The following OR10AG1 variants were observed in gnomAD, a reference collection of about 807,000 sequenced individuals.
The protein encoded by OR10AG1 is olfactory receptor 10AG1.
For missense variants in OR10AG1, 433 were observed against 376.5 expected (o/e 1.15, Z -1.24); for synonymous variants, 147 against 128.6 (o/e 1.14, Z -0.97).
chr11:55,968,283 C>T lies in OR10AG1; in HGVS notation c.241G>A (p.Glu81Lys). The T allele has an allele frequency of 6.2e-7, 1 of 1,613,622 alleles. No individual in the cohort carries two copies. Among genetic ancestry groups the T allele is most frequent in the East Asian group, 2.2e-5 (1 of 44,876 alleles). The part of the protein sequence containing the change: ...YFFLSNFSLL[E>K]ICYVTIIIPR... ...ATAATGATTGTTACATAACAGATTT[C>T]CAAAAGGGAAAAATTGCTAAGAAAA... Residue 81 changes from glutamate to lysine, a missense_variant, in exon 2 of 2, where the codon GAA (glutamate) becomes AAA (lysine). Coordinates refer to ENST00000641071, the MANE Select transcript of OR10AG1 (RefSeq NM_001005491.2).
chr11:55,968,143 T>G lies in OR10AG1; in HGVS notation c.381A>C (p.Thr127=). Residue 127 remains threonine, a synonymous_variant, in exon 2 of 2, where the codon ACA becomes ACC. Transcript: ENST00000641071. ...CCACGTAGCGGTCATAGGCCATCAC[T>G]GTCAGAAGGAGACACTCCGTGCCTC... ...MLGGTECLLL[T]VMAYDRYVAI... is the part of the protein sequence containing the mutation. 6.2e-7 allele frequency: 1 copy of G among 1,613,856 alleles called. No individual in the cohort carries two copies. The highest frequency in any genetic ancestry group is 8.5e-7 in the Non-Finnish European group (1 of 1,179,842).
At position 55,968,148 on chromosome 11, in the gene OR10AG1, G is replaced by A. The variant is rs1350788674; in HGVS notation, c.376C>T (p.Leu126=). The A allele has an allele frequency of 6.2e-7, 1 of 1,613,514 alleles. No homozygotes were observed. Among genetic ancestry groups the A allele is most frequent in the East Asian group, 2.2e-5 (1 of 44,888 alleles). The change falls in exon 2 of 2, where the codon CTG becomes TTG. Residue 126 remains leucine (L), a synonymous_variant. Transcript: ENST00000641071. The stretch of plus-strand genomic sequence containing the variant: ...TAGCGGTCATAGGCCATCACTGTCA[G>A]AAGGAGACACTCCGTGCCTCCAAGC... The part of the protein sequence containing the change: ...LMLGGTECLL[L]TVMAYDRYVA...
At position 55,966,124 on chromosome 11, in the gene OR10AG1, C is replaced by T. The variant is rs1852685609; in HGVS notation, c.*1434G>A. ...GTGTCTTCATATACTCTGAGAGTGA[C>T]TTCCCTTTACTCCCAAATTTGTTTT... On this transcript the variant is annotated 3_prime_UTR_variant, in exon 2 of 2. Transcript: ENST00000641071. The T allele has an allele frequency of 6.6e-6, 1 of 151,826 alleles. No homozygotes were observed. The highest frequency in any genetic ancestry group is 2.1e-4 in the South Asian group (1 of 4,824). 9.4% of individuals were successfully genotyped at this position (151,826 alleles called of 1,614,324 possible).
chr11:55,967,772 G>A lies in OR10AG1; in HGVS notation c.752C>T (p.Thr251Ile), dbSNP rs757100326. 10 of 1,613,692 alleles carry A rather than the reference G, an allele frequency of 6.2e-6. No homozygotes were observed. Among genetic ancestry groups the A allele is most frequent in the Non-Finnish European group, 8.5e-6 (10 of 1,179,778 alleles). ...TACAACTATTAGGTGAGATGAGCAGGTGGAGAAGGCTTTAGCCTTTCCTCT... is the reference window on the plus strand; with the variant it reads ...TACAACTATTAGGTGAGATGAGCAGATGGAGAAGGCTTTAGCCTTTCCTCT... The part of the protein sequence containing the change: ...SARGKAKAFS[T>I]CSSHLIVVIL... Residue 251 changes from threonine (T) to isoleucine (I), a missense_variant, in exon 2 of 2, where the codon ACC (threonine) becomes ATC (isoleucine). By Grantham distance (89) the Thr-to-Ile change is moderately conservative. Coordinates refer to ENST00000641071, the MANE Select transcript of OR10AG1 (RefSeq NM_001005491.2).
chr11:55,967,310 T>C lies in OR10AG1; in HGVS notation c.*248A>G. 1 of 352,390 alleles carries C rather than the reference T, an allele frequency of 2.8e-6. No homozygotes were observed. The highest frequency in any genetic ancestry group is 5.1e-5 in the East Asian group (1 of 19,678). 21.8% of individuals were successfully genotyped at this position (352,390 alleles called of 1,614,324 possible). A position where few individuals can be genotyped will look rare whatever the true frequency, so the allele number is the denominator to read the frequency against. On this transcript the variant is annotated 3_prime_UTR_variant, in exon 2 of 2. Transcript: ENST00000641071. ...ATTTTTCATTTTATTGCTCAGGTGG[T>C]CTCTTAATCAACAGTTAACCATTGA... is the stretch of plus-strand genomic sequence containing the variant.
chr11:55,967,674 G>T lies in OR10AG1; in HGVS notation c.850C>A (p.Leu284Met), dbSNP rs755037759. 2.3e-5 allele frequency: 37 copies of T among 1,613,560 alleles called. No homozygotes were observed. Among genetic ancestry groups the T allele is most frequent in the Admixed American group, 3.3e-5 (2 of 59,990 alleles). ...KPHQFQRMGK[L>M]ISLFYTILIP... is the part of the protein sequence containing the mutation. Reference sequence around the variant, plus strand: ...AGAATGGTGTAGAAAAGAGAAATCAGTTTCCCCATCCTTTGAAACTGATGT... The same window carrying T: ...AGAATGGTGTAGAAAAGAGAAATCATTTTCCCCATCCTTTGAAACTGATGT... The change falls in exon 2 of 2, where the codon CTG (leucine) becomes ATG (methionine). Residue 284 changes from leucine (L) to methionine (M), a missense_variant. Leu to Met is a conservative substitution (Grantham distance 15). Transcript: ENST00000641071.
Position 55,967,841 on chromosome 11 carries a change from G to A in OR10AG1, c.683C>T (p.Ser228Phe), listed in dbSNP as rs370375009. ...ITVPFLLIVV[S>F]YGKIISNILK... Reference sequence around the variant, plus strand: ...AATGTTGGAGATAATTTTGCCATAAGAGACAACAATCAACAGAAATGGCAC... The same window carrying A: ...AATGTTGGAGATAATTTTGCCATAAAAGACAACAATCAACAGAAATGGCAC... The change falls in exon 2 of 2, where the codon TCT (serine) becomes TTT (phenylalanine). Residue 228 changes from serine to phenylalanine, a missense_variant. Coordinates refer to ENST00000641071, the MANE Select transcript of OR10AG1 (RefSeq NM_001005491.2). 9 of 1,613,954 alleles carry A rather than the reference G, an allele frequency of 5.6e-6. No individual in the cohort carries two copies. Among genetic ancestry groups the A allele is most frequent in the African/African-American group, 1.3e-5 (1 of 74,874 alleles).
intron 1 of OR10AG1, among the ~76,000 whole-genome samples, chr11:55,969,208 A>G (rs1852720914): frequency 6.6e-6 from 1 of 151,764 alleles, no homozygotes; most frequent in Non-Finnish European, 1.5e-5. Flanking sequence ...TCTTTTTTTT[A>G]TCTAAGTGAA....
rs1852697036 is a variant in OR10AG1 at position 55,967,371 on chromosome 11, G to A, written c.*187C>T. 2.1e-6 allele frequency: 1 copy of A among 484,578 alleles called. No homozygotes were observed. Among genetic ancestry groups the A allele is most frequent in the Admixed American group, 3.8e-5 (1 of 26,218 alleles). 30.0% of individuals were successfully genotyped at this position (484,578 alleles called of 1,614,324 possible). On this transcript the variant is annotated 3_prime_UTR_variant, in exon 2 of 2. Transcript: ENST00000641071. ...GAGATCTTGGCACCTTAGTTAAATT[G>A]TGCTCCAACTGCACAGTAGCACATA...
chr11:55,968,332 G>A lies in OR10AG1; in HGVS notation c.192C>T (p.Pro64=), dbSNP rs78226543. ...GIIILLIKIH[P]ALQTPMYFFL... ...AAAAATACATGGGAGTCTGGAGAGC[G>A]GGGTGAATTTTTATTAGTAGTATTA... Residue 64 remains proline, a synonymous_variant, in exon 2 of 2, where the codon CCC becomes CCT. Coordinates refer to ENST00000641071, the MANE Select transcript of OR10AG1 (RefSeq NM_001005491.2). The A allele has an allele frequency of 0.073, 116,866 of 1,608,266 alleles. 4,916 individuals carry two copies. Among genetic ancestry groups the A allele is most frequent in the Non-Finnish European group, 0.081 (94,974 of 1,174,782 alleles).
Position 55,966,290 on chromosome 11 carries a change from ATTTTT to A in OR10AG1, c.*1263_*1267del, listed in dbSNP as rs67592776. On this transcript the variant is annotated 3_prime_UTR_variant, in exon 2 of 2. Coordinates refer to ENST00000641071, the MANE Select transcript of OR10AG1 (RefSeq NM_001005491.2). ...GAAGAATATATATATATATATATATATTTTTTTTTTTAAACAGAAGTCAATTTACT... is the reference window on the plus strand; with the variant it reads ...GAAGAATATATATATATATATATATATTTTTTAAACAGAAGTCAATTTACT... The A allele has an allele frequency of 9.0e-6, 1 of 111,348 alleles. No individual in the cohort carries two copies. The highest frequency in any genetic ancestry group is 2.0e-5 in the Non-Finnish European group (1 of 49,904). 6.9% of individuals were successfully genotyped at this position (111,348 alleles called of 1,614,324 possible).
chr11:55,969,453 G>A (rs1288646773), intron 1 of OR10AG1, among the ~76,000 whole-genome samples: 1 of 152,022 alleles, frequency 6.6e-6, no homozygotes, highest in Non-Finnish European at 1.5e-5. Flanking sequence ...TCCAATATGA[G>A]GAAATCACTG....
In OR10AG1 at chr11:55,967,946, G is replaced by A. The variant is rs762004398; in HGVS notation, c.578C>T (p.Pro193Leu). The change falls in exon 2 of 2, where the codon CCG (proline) becomes CTG (leucine). Residue 193 changes from proline to leucine, a missense_variant. Physicochemically the swap from Pro to Leu is moderately conservative, Grantham distance 98. Coordinates refer to ENST00000641071, the MANE Select transcript of OR10AG1 (RefSeq NM_001005491.2). ...TCCACAAGCAAGCTTGAGTATTGGC[G>A]GGATGTCACAAAAGAAATGATTAAT... ...NTINHFFCDI[P>L]PILKLACGNI... The A allele has an allele frequency of 1.8e-5, 29 of 1,613,692 alleles. No individual in the cohort carries two copies. The highest frequency in any genetic ancestry group is 6.7e-5 in the East Asian group (3 of 44,886).
chr11:55,969,290 C>T (rs1276948568), intron 1 of OR10AG1, among the ~76,000 whole-genome samples: 1 of 152,074 alleles, frequency 6.6e-6, no homozygotes, highest in Non-Finnish European at 1.5e-5. Context: ...ATTTTCCCTT[C>T]ATCCTGTTGC....
In OR10AG1 at chr11:55,966,865, A is replaced by C. The variant is rs1201828384; in HGVS notation, c.*693T>G. On this transcript the variant is annotated 3_prime_UTR_variant, in exon 2 of 2. Coordinates refer to ENST00000641071, the MANE Select transcript of OR10AG1 (RefSeq NM_001005491.2). Reference sequence around the variant, plus strand: ...TCTTTGTTTTTCTAAATAAGATTAAATTTGAAGGTTCTAGTTGGAGATTTC... The same window carrying C: ...TCTTTGTTTTTCTAAATAAGATTAACTTTGAAGGTTCTAGTTGGAGATTTC... The C allele has an allele frequency of 4.6e-5, 7 of 152,126 alleles. No homozygotes were observed. The highest frequency in any genetic ancestry group is 7.3e-5 in the Non-Finnish European group (5 of 68,038). 9.4% of individuals were successfully genotyped at this position (152,126 alleles called of 1,614,324 possible).
chr11:55,968,942 A>G (rs1852718604), intron 1 of OR10AG1, among the ~76,000 whole-genome samples: 1 of 152,084 alleles, frequency 6.6e-6, no homozygotes, highest in African/African-American at 2.4e-5. Context: ...AATGAATTTT[A>G]AACTTTTCCT....
At position 55,968,184 on chromosome 11, in the gene OR10AG1, A is replaced by C. The variant is rs373331578; in HGVS notation, c.340T>G (p.Phe114Val). Residue 114 changes from phenylalanine to valine, a missense_variant, in exon 2 of 2, where the codon TTT (phenylalanine) becomes GTT (valine). Phe to Val is a conservative substitution (Grantham distance 50). Coordinates refer to ENST00000641071, the MANE Select transcript of OR10AG1 (RefSeq NM_001005491.2). Reference protein sequence around the residue: ...SLFACATQMCFFLMLGGTECL... With the variant: ...SLFACATQMCVFLMLGGTECL... The stretch of plus-strand genomic sequence containing the variant: ...TCCGTGCCTCCAAGCATAAGAAAAA[A>C]ACACATTTGTGTAGCACAAGCAAAC... The C allele has an allele frequency of 3.1e-6, 5 of 1,614,102 alleles. No individual in the cohort carries two copies. The highest frequency in any genetic ancestry group is 4.2e-6 in the Non-Finnish European group (5 of 1,180,008).
At chr11:55,969,299 G>A (rs1450761711) in intron 1 of OR10AG1, among the ~76,000 whole-genome samples, 1 of 151,656 alleles carries the variant, frequency 6.6e-6, no homozygotes, top group Non-Finnish European at 1.5e-5. Flanking sequence ...TCATCCTGTT[G>A]CCTTATTAAA....
chr11:55,968,405 C>T lies in OR10AG1; in HGVS notation c.119G>A (p.Ser40Asn). The T allele has an allele frequency of 1.3e-6, 2 of 1,599,598 alleles. No homozygotes were observed. The highest frequency in any genetic ancestry group is 1.7e-6 in the Non-Finnish European group (2 of 1,171,860). The change falls in exon 2 of 2, where the codon AGT becomes AAT. Residue 40 changes from serine (S) to asparagine (N), a missense_variant. By Grantham distance (46) the Ser-to-Asn change is conservative. Transcript: ENST00000641071. ...CATCAAATACATAAGTAAAAATATA[C>T]TAAAAAGCATCCAGTGGAGATTGGG... Reference protein sequence around the residue: ...DIPNLHWMLFSIFLLMYLMIL... With the variant: ...DIPNLHWMLFNIFLLMYLMIL...
Sources: gnomAD v4.1 joint callset for allele counts (sites outside exome capture counted in the v4.1 genomes callset) on GRCh38, gnomAD v4.1.1 for gene constraint, MANE v1.5 for transcripts, NCBI Gene and HGNC (gene_info 2026-07-23, HGNC 2026-07-21) for gene names.